TENM2: variants seen among roughly 807,000 people sequenced by gnomAD.
TENM2 encodes teneurin-2.
TENM2 carries 52 observed loss-of-function variants against 245.2 expected under a neutral mutation model. The observed-to-expected ratio is 0.21, with a 90% CI of 0.17 to 0.27. The LOEUF (loss-of-function observed/expected upper bound fraction) is 0.27, where lower values mean the gene tolerates loss of function less well. Ranked by LOEUF, TENM2 falls within the 10% of genes least tolerant of loss-of-function variation. TENM2 has a pLI of 1.00. For synonymous variants in TENM2, 1,363 were observed against 1,438.9 expected, an observed-to-expected ratio of 0.95 and a Z score of 1.19; for missense variants, 3,046 against 3,666.8, an observed-to-expected ratio of 0.83 and a Z score of 4.37.
chr5:167,485,275 TCC>T, intron 2 of TENM2, among the ~76,000 whole-genome samples: 1 of 152,108 alleles, frequency 6.6e-6, no homozygotes, highest in South Asian at 2.1e-4. Flanking sequence ...AGATTAATCT[TCC>T]CAGGAAGAAG....
intron 2 of TENM2, among the ~76,000 whole-genome samples, chr5:167,802,074 A>G (rs1765824127): frequency 6.6e-6 from 1 of 152,140 alleles, no homozygotes; most frequent in African/African-American, 2.4e-5. Context: ...GTGGTGGAAG[A>G]CCTGAAGTGC....
At chr5:167,450,121 CT>C (rs1765486491) in intron 2 of TENM2, among the ~76,000 whole-genome samples, 1 of 152,176 alleles carries the variant, frequency 6.6e-6, no homozygotes, top group Non-Finnish European at 1.5e-5. Flanking sequence ...CCCCTGTCTA[CT>C]GTTCTAATTT....
chr5:167,757,843 T>C (rs922800738), intron 2 of TENM2, among the ~76,000 whole-genome samples: 1 of 152,236 alleles, frequency 6.6e-6, no homozygotes, highest in Non-Finnish European at 1.5e-5. Context: ...TAATCTCATA[T>C]ACCCTTTCTT....
At chr5:167,609,506 A>AC (rs2127745665) in intron 2 of TENM2, among the ~76,000 whole-genome samples, 1 of 143,956 alleles carries the variant, frequency 6.9e-6, no homozygotes, top group African/African-American at 2.5e-5. Flanking sequence ...AAAAAAAAAA[A>AC]AAAAAACAAA....
chr5:167,814,151 G>A (rs1375176505), intron 2 of TENM2, among the ~76,000 whole-genome samples: 1 of 152,132 alleles, frequency 6.6e-6, no homozygotes, highest in East Asian at 1.9e-4. Context: ...TGCTAATGCA[G>A]CTAATACACG....
intron 19 of TENM2, among the ~76,000 whole-genome samples, chr5:168,208,271 T>G (rs764997797): frequency 2.0e-5 from 3 of 152,232 alleles, no homozygotes; most frequent in Non-Finnish European, 4.4e-5. Context: ...TTTTTGAAAT[T>G]TCCATTTTTT....
chr5:167,436,327 T>TC (rs926232207), intron 2 of TENM2, among the ~76,000 whole-genome samples: 10 of 151,996 alleles, frequency 6.6e-5, no homozygotes, highest in African/African-American at 1.4e-4. Context: ...CCTCAAGTGT[T>TC]CCCCCCACCT....
chr5:167,714,673 C>G (rs1405087335), intron 2 of TENM2, among the ~76,000 whole-genome samples: 1 of 152,160 alleles, frequency 6.6e-6, no homozygotes, highest in African/African-American at 2.4e-5. Flanking sequence ...ATAAAAGAAA[C>G]AAATTTACTG....
At chr5:168,213,203 T>A (rs553533188) in intron 20 of TENM2, among the ~76,000 whole-genome samples, 61 of 152,314 alleles carry the variant, frequency 4.0e-4, no homozygotes, top group Non-Finnish European at 1.5e-5. Flanking sequence ...AGGAAAGGAA[T>A]GAAACCAGGT....
chr5:168,163,757 T>C (rs902048296), intron 13 of TENM2, among the ~76,000 whole-genome samples: 2 of 152,240 alleles, frequency 1.3e-5, no homozygotes, highest in African/African-American at 4.8e-5. Flanking sequence ...AGTGTGTATA[T>C]ACCTTCTAAG....
chr5:168,002,055 A>T (rs67727213), intron 5 of TENM2, among the ~76,000 whole-genome samples: 23,979 of 152,268 alleles, frequency 0.16, 2,096 homozygotes, highest in East Asian at 0.26. Flanking sequence ...TCTGGGAAAG[A>T]GAAAAAAATT....
chr5:167,833,685 G>A (rs775554946), intron 2 of TENM2, among the ~76,000 whole-genome samples: 63 of 152,298 alleles, frequency 4.1e-4, no homozygotes, highest in Non-Finnish European at 7.5e-4. Flanking sequence ...CATTGGAAAC[G>A]CACCATCCTT....
At chr5:167,871,648 G>A (rs73370990) in intron 2 of TENM2, among the ~76,000 whole-genome samples, 2,863 of 152,190 alleles carry the variant, frequency 0.019, 73 homozygotes, top group African/African-American at 0.065. Context: ...GCCTTTGCCT[G>A]TTTCCTTTCG....
intron 2 of TENM2, among the ~76,000 whole-genome samples, chr5:167,762,247 A>C (rs988552040): frequency 6.6e-6 from 1 of 152,168 alleles, no homozygotes; most frequent in African/African-American, 2.4e-5. Flanking sequence ...GCTCCTTAGG[A>C]GGACAAAAGA....
At chr5:167,451,017 C>T (rs557846448) in intron 2 of TENM2, among the ~76,000 whole-genome samples, 7 of 152,170 alleles carry the variant, frequency 4.6e-5, no homozygotes, top group Admixed American at 3.9e-4. Flanking sequence ...ATTGTTATAA[C>T]TGTTACCTTT....
intron 2 of TENM2, among the ~76,000 whole-genome samples, chr5:167,835,509 T>C (rs1425457852): frequency 2.0e-5 from 3 of 152,204 alleles, no homozygotes; most frequent in Admixed American, 2.0e-4. Flanking sequence ...TCTGCCTGAA[T>C]CTTTTCCCCT....
chr5:167,130,888 CTTT>C, the TENM2 span, among the ~76,000 whole-genome samples: 4 of 73,356 alleles, frequency 5.5e-5, no homozygotes, highest in Non-Finnish European at 7.2e-5. Context: ...GTGTTAAATG[CTTT>C]TTTTTTTTTT....
the TENM2 span, among the ~76,000 whole-genome samples, chr5:167,224,874 A>G: frequency 6.6e-6 from 1 of 151,902 alleles, no homozygotes; most frequent in East Asian, 1.9e-4. Context: ...TCTTCAATTT[A>G]TTTCATCAGT....
At position 168,227,878 on chromosome 5, in the gene TENM2, C is replaced by A. The variant is rs769264788; in HGVS notation, c.5285-17C>A. ...TAATTTATTTCCCTATCCCCACCCC[C>A]ACTTACATTTTTCCAGATCAAGTTC... On this transcript the variant is annotated splice_polypyrimidine_tract_variant and intron_variant, in intron 24 of 28. Coordinates refer to ENST00000518659, the Ensembl canonical transcript of TENM2. 1.3e-6 allele frequency: 2 copies of A among 1,529,780 alleles called. No individual in the cohort carries two copies. Among genetic ancestry groups the A allele is most frequent in the African/African-American group, 1.4e-5 (1 of 73,164 alleles). The allele number at this position is 1,529,780 out of a possible 1,614,324, so 94.8% of individuals were successfully genotyped here.
Sources: allele counts gnomAD v4.1 joint callset (sites outside exome capture counted in the v4.1 genomes callset), GRCh38; gene constraint gnomAD v4.1.1; transcripts MANE v1.5; gene names NCBI Gene and HGNC (gene_info 2026-07-23, HGNC 2026-07-21).